Variants in PHF2 observed in about 807,000 individuals in gnomAD.
The protein encoded by PHF2 is lysine-specific demethylase PHF2.
Under a neutral mutation model 120.5 loss-of-function variants are expected in PHF2, and 27 were observed. The observed-to-expected ratio is 0.22, with a 90% CI of 0.17 to 0.31. The LOEUF (loss-of-function observed/expected upper bound fraction) is 0.31, where lower values mean the gene tolerates loss of function less well. Ranked by LOEUF, PHF2 falls within the 10% of genes least tolerant of loss-of-function variation. PHF2 has a pLI of 1.00. For synonymous variants in PHF2, 568 were observed against 592.5 expected (o/e 0.96, Z 0.60); for missense variants, 1,024 against 1,434.8 (o/e 0.71, Z 4.63).
chr9:93,633,154 T>G (rs1446031048), intron 2 of PHF2, among the ~76,000 whole-genome samples: 1 of 152,184 alleles, frequency 6.6e-6, no homozygotes, highest in African/African-American at 2.4e-5. Flanking sequence ...GAGCGAGCTG[T>G]GCCTGAGGTC....
chr9:93,663,677 C>T, intron 14 of PHF2, 42 bp downstream of exon 14: 8 of 1,107,498 alleles, frequency 7.2e-6, no homozygotes, highest in Non-Finnish European at 9.6e-6. Context: ...TCGCGCATAA[C>T]CGACATCACA....
At chr9:93,584,501 T>G (rs1862997864) in intron 1 of PHF2, among the ~76,000 whole-genome samples, 1 of 152,244 alleles carries the variant, frequency 6.6e-6, no homozygotes, top group African/African-American at 2.4e-5. Flanking sequence ...TGATGACTAT[T>G]CTTTCTCCGT....
chr9:93,577,915 C>T, intron 1 of PHF2, among the ~76,000 whole-genome samples: 1 of 152,196 alleles, frequency 6.6e-6, no homozygotes, highest in Non-Finnish European at 1.5e-5. Context: ...TGTTTGGACC[C>T]GGGGCTGGCC....
At chr9:93,670,691 G>A (rs1002758547) in intron 17 of PHF2, among the ~76,000 whole-genome samples, 2 of 152,188 alleles carry the variant, frequency 1.3e-5, no homozygotes, top group South Asian at 2.1e-4. Flanking sequence ...GGTTCTGTGG[G>A]ATGACAGTGG....
intron 1 of PHF2, among the ~76,000 whole-genome samples, chr9:93,592,167 G>T (rs1437286867): frequency 1.3e-5 from 2 of 152,178 alleles, no homozygotes; most frequent in East Asian, 3.9e-4. Context: ...CCTCCCAGGA[G>T]CCCTTTTTCA....
chr9:93,664,012 G>A (rs924346108), intron 14 of PHF2, among the ~76,000 whole-genome samples: 7 of 152,190 alleles, frequency 4.6e-5, no homozygotes, highest in African/African-American at 1.7e-4. Flanking sequence ...GCCTGGGTGG[G>A]ACTGGGCTGG....
intron 3 of PHF2, among the ~76,000 whole-genome samples, chr9:93,641,818 G>T (rs1288385893): frequency 5.3e-5 from 8 of 151,888 alleles, no homozygotes; most frequent in Non-Finnish European, 1.0e-4. Flanking sequence ...TCCTTTTATT[G>T]CTTGTGCTTT....
At chr9:93,668,959 G>C (rs1301412286) in intron 17 of PHF2, among the ~76,000 whole-genome samples, 2 of 152,270 alleles carry the variant, frequency 1.3e-5, no homozygotes, top group Non-Finnish European at 2.9e-5. Flanking sequence ...GAAGAAAATG[G>C]AGGAAAATAT....
At chr9:93,665,890 A>C in intron 15 of PHF2, 26 bp downstream of exon 15, 87 of 1,012,840 alleles carry the variant, frequency 8.6e-5, no homozygotes, top group Non-Finnish European at 1.2e-4. Context: ...GTGTTGGGGG[A>C]GGGGTGTGGG....
chr9:93,623,464 C>T (rs1165633677), intron 1 of PHF2, among the ~76,000 whole-genome samples: 3 of 152,188 alleles, frequency 2.0e-5, no homozygotes, highest in Non-Finnish European at 4.4e-5. Context: ...CTTCACATGC[C>T]ATAGTGCTAT....
At chr9:93,674,598 A>G (rs1252818029) in intron 18 of PHF2, among the ~76,000 whole-genome samples, 1 of 152,160 alleles carries the variant, frequency 6.6e-6, no homozygotes, top group Non-Finnish European at 1.5e-5. Context: ...CTCCATGAAC[A>G]GATGTACGGA....
At chr9:93,619,173 T>C (rs1339571616) in intron 1 of PHF2, among the ~76,000 whole-genome samples, 1 of 152,142 alleles carries the variant, frequency 6.6e-6, no homozygotes, top group Non-Finnish European at 1.5e-5. Context: ...TCCTTGGTCC[T>C]TGCCCTACCC....
intron 1 of PHF2, among the ~76,000 whole-genome samples, chr9:93,624,477 C>CAATGTT (rs1564385480): frequency 7.2e-6 from 1 of 138,308 alleles, no homozygotes; most frequent in South Asian, 2.3e-4. Flanking sequence ...GATGGTGTGG[C>CAATGTT]GGTGATGGTG....
At chr9:93,657,104 C>T (rs1234189960) in intron 9 of PHF2, among the ~76,000 whole-genome samples, 2 of 152,116 alleles carry the variant, frequency 1.3e-5, no homozygotes, top group African/African-American at 2.4e-5. Flanking sequence ...CCTGGCCACA[C>T]CCTCAGAGAT....
At chr9:93,625,600 C>T (rs1470000609) in intron 1 of PHF2, among the ~76,000 whole-genome samples, 1 of 150,820 alleles carries the variant, frequency 6.6e-6, no homozygotes, top group East Asian at 2.0e-4. Context: ...GCCTCAGCCT[C>T]CTGAGTAGCT....
intron 2 of PHF2, among the ~76,000 whole-genome samples, chr9:93,634,239 C>A (rs1826054568): frequency 6.6e-6 from 1 of 152,200 alleles, no homozygotes; most frequent in South Asian, 2.1e-4. Context: ...GATATCCACA[C>A]CTCCCCAGGT....
intron 7 of PHF2, 54 bp downstream of exon 7, chr9:93,654,629 A>T (rs1826426541): frequency 6.5e-7 from 1 of 1,545,110 alleles, no homozygotes; most frequent in Non-Finnish European, 8.9e-7. Context: ...GCCCTCATCA[A>T]GCTTACTGCC....
At chr9:93,615,395 G>A (rs937419925) in intron 1 of PHF2, among the ~76,000 whole-genome samples, 1 of 152,184 alleles carries the variant, frequency 6.6e-6, no homozygotes, top group African/African-American at 2.4e-5. Flanking sequence ...CAGTGATGAT[G>A]ATGACGATGA....
At chr9:93,632,401 T>C (rs1429107879) in intron 2 of PHF2, among the ~76,000 whole-genome samples, 2 of 152,194 alleles carry the variant, frequency 1.3e-5, no homozygotes, top group Non-Finnish European at 2.9e-5. Flanking sequence ...TGTGTGTATG[T>C]CATACTCTGT....
Sources: gnomAD v4.1 joint callset for allele counts (sites outside exome capture counted in the v4.1 genomes callset) on GRCh38, gnomAD v4.1.1 for gene constraint, MANE v1.5 for transcripts, NCBI Gene and HGNC (gene_info 2026-07-23, HGNC 2026-07-21) for gene names.